Variants in TAMM41 observed in about 807,000 individuals in gnomAD.
TAMM41 encodes TAM41 mitochondrial translocator assembly and maintenance homolog.
Under a neutral mutation model 44.1 loss-of-function variants are expected in TAMM41, and 36 were observed. That is an observed-to-expected ratio of 0.82 (90% CI 0.63 to 1.08). The LOEUF is 1.08. Among genes scored for constraint, TAMM41 ranks in the 50% least tolerant of loss-of-function variants. TAMM41 has a pLI of 0.00. For missense variants in TAMM41, 417 were observed against 404.3 expected, an observed-to-expected ratio of 1.03 and a Z score of -0.27; for synonymous variants, 164 against 153.1, an observed-to-expected ratio of 1.07 and a Z score of -0.53.
At chr3:11,732,608 C>T in the TAMM41 span, among the ~76,000 whole-genome samples, 1 of 152,162 alleles carries the variant, frequency 6.6e-6, no homozygotes, top group African/African-American at 2.4e-5. Context: ...TAAAACAGAG[C>T]AATGAAATAC....
intron 7 of TAMM41, among the ~76,000 whole-genome samples, chr3:11,796,603 C>T (rs2077611967): frequency 1.3e-5 from 2 of 152,000 alleles, no homozygotes; most frequent in African/African-American, 4.8e-5. Flanking sequence ...AAAAAGTAAA[C>T]CAAATATGCT....
chr3:11,745,300 C>A, the TAMM41 span, among the ~76,000 whole-genome samples: 1 of 152,150 alleles, frequency 6.6e-6, no homozygotes, highest in South Asian at 2.1e-4. Flanking sequence ...CACTGCACTC[C>A]AACTTGGACA....
At chr3:11,836,764 C>T (rs972846827) in intron 3 of TAMM41, among the ~76,000 whole-genome samples, 2 of 152,178 alleles carry the variant, frequency 1.3e-5, no homozygotes, top group African/African-American at 2.4e-5. Context: ...GTGCCTGGCC[C>T]ATCTTTTGTA....
At chr3:11,740,845 C>T in the TAMM41 span, among the ~76,000 whole-genome samples, 2 of 54 alleles carry the variant, frequency 0.037, no homozygotes, top group Non-Finnish European at 0.091. Flanking sequence ...GGATTACAGG[C>T]GTGACGACTG....
chr3:11,744,825 A>C, the TAMM41 span, among the ~76,000 whole-genome samples: 1 of 152,172 alleles, frequency 6.6e-6, no homozygotes, highest in Non-Finnish European at 1.5e-5. Flanking sequence ...CCAGAAGTTC[A>C]AGACCAGACT....
the TAMM41 span, among the ~76,000 whole-genome samples, chr3:11,733,497 AT>A: frequency 1.1e-3 from 155 of 140,718 alleles, no homozygotes; most frequent in African/African-American, 1.5e-3. Context: ...GTGTCCTGAG[AT>A]TTTTTTTTTT....
At chr3:11,734,396 G>A in the TAMM41 span, among the ~76,000 whole-genome samples, 19 of 152,226 alleles carry the variant, frequency 1.2e-4, no homozygotes, top group East Asian at 3.9e-4. Context: ...TATATGAAAC[G>A]GGCACAGAGG....
At chr3:11,824,018 G>A (rs1366084324) in intron 4 of TAMM41, among the ~76,000 whole-genome samples, 1 of 151,674 alleles carries the variant, frequency 6.6e-6, no homozygotes, top group Non-Finnish European at 1.5e-5. Flanking sequence ...ATAGAGACAG[G>A]GTTTCACCAT....
chr3:11,827,335 A>G (rs529337156), intron 4 of TAMM41, among the ~76,000 whole-genome samples: 7 of 149,694 alleles, frequency 4.7e-5, no homozygotes, highest in Admixed American at 4.0e-4. Flanking sequence ...GACACAAGAC[A>G]GTCTCACTGT....
the TAMM41 span, among the ~76,000 whole-genome samples, chr3:11,754,070 T>G: frequency 1.3e-5 from 2 of 152,152 alleles, no homozygotes; most frequent in Admixed American, 1.3e-4. Context: ...CCAGCTCCTC[T>G]CATTCTACCT....
At chr3:11,776,535 G>C in the TAMM41 span, among the ~76,000 whole-genome samples, 2 of 152,296 alleles carry the variant, frequency 1.3e-5, no homozygotes, top group African/African-American at 4.8e-5. Flanking sequence ...ATTCAGCACA[G>C]TAACCTGCTG....
rs760060638 is a variant in TAMM41 at position 11,817,340 on chromosome 3, A to T, written c.563-3T>A. ...TCCAACCACCATCCGAAAGTCACCT[A>T]GTTAAAACAAAGAGATAAACACATC... is the stretch of plus-strand genomic sequence containing the variant. On this transcript the variant is annotated splice_region_variant and splice_polypyrimidine_tract_variant and intron_variant, in intron 4 of 7. Transcript: ENST00000455809. 1 of 1,604,760 alleles carries T rather than the reference A, an allele frequency of 6.2e-7. No individual in the cohort carries two copies. The highest frequency in any genetic ancestry group is 8.5e-7 in the Non-Finnish European group (1 of 1,172,360).
the TAMM41 span, among the ~76,000 whole-genome samples, chr3:11,785,135 CCA>C: frequency 6.6e-6 from 1 of 152,126 alleles, no homozygotes; most frequent in Non-Finnish European, 1.5e-5. Flanking sequence ...CCTCTGTACT[CCA>C]CTCTCTACTG....
intron 1 of TAMM41, among the ~76,000 whole-genome samples, chr3:11,844,595 T>C (rs1031355097): frequency 6.6e-6 from 1 of 152,220 alleles, no homozygotes; most frequent in Admixed American, 6.5e-5. Flanking sequence ...CTAAGAGGTC[T>C]GGCTCCAAAC....
rs2124906267 is a variant in TAMM41 at position 11,790,457 on chromosome 3, TC to T, written c.*47del. On this transcript the variant is annotated 3_prime_UTR_variant, in exon 8 of 8. Transcript: ENST00000455809. ...ACAAACACTGTTCTGTCAAAAAGGA[TC>T]AAACACTTTATTCATCTACACATAA... 1 of 1,497,990 alleles carries T rather than the reference TC, an allele frequency of 6.7e-7. No homozygotes were observed. The highest frequency in any genetic ancestry group is 2.3e-5 in the East Asian group (1 of 44,324). The allele number at this position is 1,497,990 out of a possible 1,614,324, so 92.8% of individuals were successfully genotyped here. A position where few individuals can be genotyped will look rare whatever the true frequency, so the allele number is the denominator to read the frequency against.
At chr3:11,810,939 T>C (rs1257178980) in intron 5 of TAMM41, 1 of 150,448 alleles carries the variant, frequency 6.6e-6, no homozygotes, top group South Asian at 2.1e-4. Context: ...CCAGACATGG[T>C]GGTGCAAGCC....
At chr3:11,773,050 G>A in the TAMM41 span, among the ~76,000 whole-genome samples, 18 of 152,052 alleles carry the variant, frequency 1.2e-4, no homozygotes, top group South Asian at 1.2e-3. Flanking sequence ...TTCGCCTCCC[G>A]GGTTCAAGCA....
At chr3:11,804,965 GGACTACGGGC>G (rs1164249795) in intron 7 of TAMM41, among the ~76,000 whole-genome samples, 3 of 149,282 alleles carry the variant, frequency 2.0e-5, no homozygotes, top group Non-Finnish European at 4.4e-5. Flanking sequence ...CCTGGGCTCA[GGACTACGGGC>G]GCGCACCACC....
At chr3:11,813,973 T>C (rs1294620415) in intron 5 of TAMM41, among the ~76,000 whole-genome samples, 1 of 140,098 alleles carries the variant, frequency 7.1e-6, no homozygotes, top group African/African-American at 2.6e-5. Flanking sequence ...TATACACACA[T>C]ACACACACAC....
Sources: allele counts gnomAD v4.1 joint callset (sites outside exome capture counted in the v4.1 genomes callset), GRCh38; gene constraint gnomAD v4.1.1; transcripts MANE v1.5; gene names NCBI Gene and HGNC (gene_info 2026-07-23, HGNC 2026-07-21).